IFT172: variants seen among roughly 807,000 people sequenced by gnomAD.
The protein encoded by IFT172 is intraflagellar transport protein 172 homolog.
IFT172 carries 164 observed loss-of-function variants against 248.9 expected under a neutral mutation model. That is an observed-to-expected ratio of 0.66 (90% CI 0.58 to 0.75). The LOEUF is 0.75. Among genes scored for constraint, IFT172 ranks in the 30% least tolerant of loss-of-function variants. IFT172 has a pLI of 0.00. For synonymous variants in IFT172, 729 were observed against 791.6 expected (o/e 0.92, Z 1.33); for missense variants, 1,950 against 2,192.4 (o/e 0.89, Z 2.21).
rs1213751170 is a variant in IFT172 at position 27,453,509 on chromosome 2, C to T, written c.3826G>A (p.Val1276Met). 4 of 1,614,192 alleles carry T rather than the reference C, an allele frequency of 2.5e-6. No individual in the cohort carries two copies. The highest frequency in any genetic ancestry group is 1.1e-5 in the South Asian group (1 of 91,086). The change falls in exon 35 of 48, where the codon GTG (valine) becomes ATG (methionine). Residue 1276 changes from valine to methionine, a missense_variant. Physicochemically the swap from Val to Met is conservative, Grantham distance 21 (BLOSUM62 1). This residue lies in a region of IFT172 where 620 missense variants were observed against 699.0 expected (regional missense o/e 0.89). Transcript: ENST00000260570. ...REATKKGARG[V>M]EGFVEQARHW... ...CGAGCTTGTTCCACAAATCCCTCCA[C>T]ACCCCTGTGGAGATGAGAGCGCTGG...
chr2:27,465,416 C>G lies in IFT172; in HGVS notation c.1932G>C (p.Ala644=). Reference sequence around the variant, plus strand: ...GTTCTACATGTCTACCTCACCTCTCCGCAATGTGTAGTTGCCTTGCCTCTA... The same window carrying G: ...GTTCTACATGTCTACCTCACCTCTCGGCAATGTGTAGTTGCCTTGCCTCTA... ...LALEARQLHI[A]ERCFSALGQV... is the part of the protein sequence containing the mutation. The change falls in exon 18 of 48, where the codon GCG becomes GCC. Residue 644 remains alanine (A), a synonymous_variant. Transcript: ENST00000260570. The G allele has an allele frequency of 1.2e-6, 2 of 1,613,528 alleles. No individual in the cohort carries two copies.
rs763026075 is a variant in IFT172, at chr2:27,459,849, T to C, written c.2522-20A>G. On this transcript the variant is annotated intron_variant, in intron 23 of 47. Coordinates refer to ENST00000260570, the MANE Select transcript of IFT172 (RefSeq NM_015662.3). The stretch of plus-strand genomic sequence containing the variant: ...CTACCGCTGCCAGGGAGAGAAAAGA[T>C]GCTCAGCCCAGATTTCCAGGGATGG... The C allele has an allele frequency of 6.2e-7, 1 of 1,607,918 alleles. No homozygotes were observed. Among genetic ancestry groups the C allele is most frequent in the Admixed American group, 1.7e-5 (1 of 59,996 alleles).
chr2:27,449,894 T>C (rs1665501299), intron 36 of IFT172, 94 bp from the exon 37 acceptor site: 3 of 1,396,598 alleles, frequency 2.1e-6, no homozygotes, highest in East Asian at 2.3e-5. Context: ...CTGCAAGCCA[T>C]GCCCACCAGG....
chr2:27,479,161 C>T (rs891677972), intron 10 of IFT172, among the ~76,000 whole-genome samples: 7 of 152,110 alleles, frequency 4.6e-5, no homozygotes, highest in Non-Finnish European at 7.3e-5. Flanking sequence ...CCCGCCACAA[C>T]GCCCGGCTAA....
rs1171034412 is a variant in IFT172, at chr2:27,461,509, T to C, written c.2202A>G (p.Pro734=). 5 of 1,613,886 alleles carry C rather than the reference T, an allele frequency of 3.1e-6. No homozygotes were observed. Among genetic ancestry groups the C allele is most frequent in the Non-Finnish European group, 4.2e-6 (5 of 1,179,784 alleles). Reference sequence around the variant, plus strand: ...AACTACGACGTAGCTTCTCCAGGGCTGGGTGCCCCTGGACATGCACAGAGG... The same window carrying C: ...AACTACGACGTAGCTTCTCCAGGGCCGGGTGCCCCTGGACATGCACAGAGG... ...CIAVAEAKGH[P]ALEKLRRSYY... The change falls in exon 22 of 48, where the codon CCA becomes CCG. Residue 734 remains proline (P), a synonymous_variant. Transcript: ENST00000260570.
At position 27,449,499 on chromosome 2, in the gene IFT172, C is replaced by T. The variant is rs1429873442; in HGVS notation, c.4224G>A (p.Ser1408=). ...CTCCTGCTAACTCTCCAAGTCTCAC[C>T]GAGTCCACTTTGCCCTGATTCTTGA... The part of the protein sequence containing the change: ...EFLKNQGKVD[S]LVGVDVIAAL... Residue 1408 remains serine, a splice_region_variant and synonymous_variant, in exon 38 of 48, where the codon TCG becomes TCA. Transcript: ENST00000260570. 15 of 1,614,034 alleles carry T rather than the reference C, an allele frequency of 9.3e-6. No individual in the cohort carries two copies. The highest frequency in any genetic ancestry group is 1.1e-5 in the Non-Finnish European group (13 of 1,180,036).
chr2:27,448,379 G>A (rs1307246089), intron 40 of IFT172, among the ~76,000 whole-genome samples: 5 of 152,238 alleles, frequency 3.3e-5, no homozygotes, highest in African/African-American at 9.6e-5. Flanking sequence ...GATTACAGGC[G>A]TGAGCCACTG....
chr2:27,460,982 A>C (rs1248130535), intron 23 of IFT172, 33 bp downstream of exon 23: 1 of 1,614,002 alleles, frequency 6.2e-7, no homozygotes, highest in Non-Finnish European at 8.5e-7. Context: ...AAGAGTCCAC[A>C]ACAGTAAAGG....
intron 1 of IFT172, among the ~76,000 whole-genome samples, chr2:27,487,640 C>A (rs1345955363): frequency 1.3e-5 from 2 of 152,164 alleles, no homozygotes; most frequent in African/African-American, 2.4e-5. Context: ...GTCACCCAGG[C>A]TGGAGTGCAG....
chr2:27,477,165 C>A, intron 13 of IFT172, 52 bp downstream of exon 13: 2 of 1,503,204 alleles, frequency 1.3e-6, no homozygotes, highest in South Asian at 1.1e-5. Context: ...ATTTAGGAGT[C>A]CAAAAGGAAT....
At chr2:27,444,652 T>A (rs1218908024) in intron 47 of IFT172, 131 bp from the exon 48 acceptor site, 1 of 669,722 alleles carries the variant, frequency 1.5e-6, no homozygotes, top group Non-Finnish European at 2.4e-6. Context: ...GTATGTGGGT[T>A]TTTTGTTTGT....
chr2:27,470,294 A>G (rs1028196328), intron 16 of IFT172, among the ~76,000 whole-genome samples: 1 of 152,064 alleles, frequency 6.6e-6, no homozygotes, highest in African/African-American at 2.4e-5. Flanking sequence ...AGGAAGAAAG[A>G]GTAAAAGAGA....
Position 27,445,364 on chromosome 2 carries a change from C to T in IFT172, c.5000G>A (p.Arg1667His), listed in dbSNP as rs201017771. Residue 1667 changes from arginine to histidine, a missense_variant, in exon 46 of 48, where the codon CGT becomes CAT. Physicochemically the swap from Arg to His is conservative, Grantham distance 29. Transcript: ENST00000260570. The surrounding 1 kb of genome is among the most constrained non-coding windows in gnomAD (Gnocchi z 4.4). ...RLEQVLPRDE[R>H]GAYEASLVAA... is the part of the protein sequence containing the mutation. The stretch of plus-strand genomic sequence containing the variant: ...CACTAGGGAGGCCTCGTAGGCGCCA[C>T]GCTCATCCCGAGGCAGAACCTGCTC... 33 of 1,613,140 alleles carry T rather than the reference C, an allele frequency of 2.0e-5. No individual in the cohort carries two copies. Among genetic ancestry groups the T allele is most frequent in the African/African-American group, 1.1e-4 (8 of 74,986 alleles).
Position 27,476,745 on chromosome 2 carries a change from G to C in IFT172, c.1326-19C>G, listed in dbSNP as rs774624704. ...ACGAACACTGAAACATGAAGGGTGA[G>C]GTAAGGCAAAATGGGCTGAGGTAGT... On this transcript the variant is annotated intron_variant, in intron 13 of 47. Transcript: ENST00000260570. The C allele has an allele frequency of 1.3e-6, 2 of 1,554,740 alleles. No individual in the cohort carries two copies. Among genetic ancestry groups the C allele is most frequent in the South Asian group, 2.2e-5 (2 of 89,580 alleles).
At position 27,458,147 on chromosome 2, in the gene IFT172, C is replaced by T. The variant is rs1666324746; in HGVS notation, c.2954G>A (p.Gly985Asp). The T allele has an allele frequency of 6.2e-7, 1 of 1,614,142 alleles. No individual in the cohort carries two copies. The highest frequency in any genetic ancestry group is 2.2e-5 in the East Asian group (1 of 44,878). Residue 985 changes from glycine (G) to aspartate (D), a missense_variant, in exon 27 of 48, where the codon GGC (glycine) becomes GAC (aspartate). Coordinates refer to ENST00000260570, the MANE Select transcript of IFT172 (RefSeq NM_015662.3). The part of the protein sequence containing the change: ...ITQAQEMEKQ[G>D]KYREAERLYV... ...TCACCTTTCAGCCTCACGGTACTTG[C>T]CCTGCTTCTCCATTTCCTGGGCCTG...
At position 27,477,202 on chromosome 2, in the gene IFT172, A is replaced by C; in HGVS notation, c.1325+15T>G. 1 of 1,604,484 alleles carries C rather than the reference A, an allele frequency of 6.2e-7. No individual in the cohort carries two copies. Among genetic ancestry groups the C allele is most frequent in the African/African-American group, 1.3e-5 (1 of 74,844 alleles). ...ATTCTGGGTTTCAGGGATTCAGAGA[A>C]TCTTGTGAGGTTACCTGATGAGGTG... On this transcript the variant is annotated intron_variant, in intron 13 of 47. Transcript: ENST00000260570.
At chr2:27,452,428 A>G (rs945081810) in intron 35 of IFT172, among the ~76,000 whole-genome samples, 2 of 152,204 alleles carry the variant, frequency 1.3e-5, no homozygotes, top group Non-Finnish European at 2.9e-5. Context: ...GCATGAGCCA[A>G]TTCCTTTTAA....
In IFT172 at chr2:27,447,801, C is replaced by T. The variant is rs756814532; in HGVS notation, c.4539+11G>A. ...ACAAGGACAGACGGAGCAGCCCTTTCGCTTCCTCACCAGGTTGAAGAGGAC... is the reference window on the plus strand; with the variant it reads ...ACAAGGACAGACGGAGCAGCCCTTTTGCTTCCTCACCAGGTTGAAGAGGAC... On this transcript the variant is annotated intron_variant, in intron 41 of 47. Transcript: ENST00000260570. 1.7e-5 allele frequency: 28 copies of T among 1,601,564 alleles called. No individual in the cohort carries two copies. The highest frequency in any genetic ancestry group is 1.7e-4 in the Admixed American group (10 of 59,982).
chr2:27,483,986 G>T (rs776384941), intron 4 of IFT172, 49 bp from the exon 5 acceptor site: 2 of 1,543,680 alleles, frequency 1.3e-6, no homozygotes, highest in Non-Finnish European at 1.8e-6. Flanking sequence ...GTGTGGGCCA[G>T]CACTTTTATA....
Sources: gnomAD v4.1 joint callset for allele counts (sites outside exome capture counted in the v4.1 genomes callset) on GRCh38, gnomAD v4.1.1 for gene constraint, gnomAD v4.1.1 regional missense constraint, Gnocchi (gnomAD v3.1) non-coding constraint, MANE v1.5 for transcripts, NCBI Gene and HGNC (gene_info 2026-07-23, HGNC 2026-07-21) for gene names.